Variants in ARL15 observed in about 807,000 individuals in gnomAD.
ARL15 encodes the protein ARF like GTPase 15.
In ARL15, 19 loss-of-function variants were observed where a neutral mutation model predicts 25.2. The observed-to-expected ratio is 0.75, with a 90% CI of 0.53 to 1.10. The LOEUF is 1.10. ARL15 is among the 50% of genes least tolerant of loss of function. The pLI is 0.00. For missense variants in ARL15, 220 were observed against 246.0 expected, an observed-to-expected ratio of 0.89 and a Z score of 0.71; for synonymous variants, 94 against 86.8, an observed-to-expected ratio of 1.08 and a Z score of -0.46.
At chr5:54,062,076 C>A (rs767959609) in intron 4 of ARL15, among the ~76,000 whole-genome samples, 1 of 152,166 alleles carries the variant, frequency 6.6e-6, no homozygotes, top group African/African-American at 2.4e-5. Flanking sequence ...CACTGGATTT[C>A]GGACTTACAA....
chr5:53,918,741 G>A (rs1204300880), intron 4 of ARL15, among the ~76,000 whole-genome samples: 3 of 151,754 alleles, frequency 2.0e-5, no homozygotes, highest in African/African-American at 7.3e-5. Context: ...ACCATTGACA[G>A]TTAGCAAATG....
At chr5:54,033,002 G>T (rs1343114824) in intron 4 of ARL15, among the ~76,000 whole-genome samples, 1 of 151,396 alleles carries the variant, frequency 6.6e-6, no homozygotes, top group African/African-American at 2.4e-5. Context: ...GCCTGTGGAA[G>T]TTGGAATCTA....
chr5:54,210,807 A>G (rs997746894), intron 1 of ARL15, among the ~76,000 whole-genome samples: 4 of 152,246 alleles, frequency 2.6e-5, no homozygotes, highest in African/African-American at 9.6e-5. Flanking sequence ...ACATAGTTCA[A>G]TCTCTTTTCC....
chr5:53,908,158 T>A (rs1404033870), intron 4 of ARL15, among the ~76,000 whole-genome samples: 3 of 152,240 alleles, frequency 2.0e-5, no homozygotes, highest in African/African-American at 7.2e-5. Context: ...AGTATGTTGT[T>A]ACAATTATTT....
intron 2 of ARL15, among the ~76,000 whole-genome samples, chr5:54,168,876 C>A (rs1055645396): frequency 6.6e-6 from 1 of 152,142 alleles, no homozygotes; most frequent in African/African-American, 2.4e-5. Flanking sequence ...AGCACAGAGC[C>A]TGGAGTATAT....
At chr5:54,154,936 C>T (rs1008940098) in intron 2 of ARL15, among the ~76,000 whole-genome samples, 1 of 152,084 alleles carries the variant, frequency 6.6e-6, no homozygotes, top group Admixed American at 6.5e-5. Context: ...TCCTGGGCAA[C>T]ATGGTGAAAC....
At chr5:54,004,904 T>C (rs1748973372) in intron 4 of ARL15, among the ~76,000 whole-genome samples, 1 of 152,224 alleles carries the variant, frequency 6.6e-6, no homozygotes, top group Admixed American at 6.5e-5. Flanking sequence ...CTAGTCAGCA[T>C]ATTATGTTTT....
intron 4 of ARL15, among the ~76,000 whole-genome samples, chr5:53,887,587 A>T (rs1744575427): frequency 6.6e-6 from 1 of 152,212 alleles, no homozygotes; most frequent in African/African-American, 2.4e-5. Context: ...GTATCATAAA[A>T]CACAAAGTTC....
At chr5:54,285,342 G>A in intron 1 of ARL15, 1 of 887,540 alleles carries the variant, frequency 1.1e-6, no homozygotes, top group African/African-American at 1.8e-5. Context: ...ATTACTTACA[G>A]TTTATTGTTG....
At chr5:53,905,516 AT>A (rs1745219704) in intron 4 of ARL15, among the ~76,000 whole-genome samples, 1 of 152,192 alleles carries the variant, frequency 6.6e-6, no homozygotes, top group Non-Finnish European at 1.5e-5. Flanking sequence ...CAGAAACAGA[AT>A]TCTATTATAA....
intron 4 of ARL15, among the ~76,000 whole-genome samples, chr5:53,924,180 C>G (rs943706144): frequency 7.9e-5 from 12 of 152,202 alleles, no homozygotes; most frequent in Admixed American, 2.0e-4. Context: ...CTGGGAGGAG[C>G]AGACTGAGAG....
At chr5:54,035,012 T>G (rs1408998239) in intron 4 of ARL15, among the ~76,000 whole-genome samples, 2 of 151,964 alleles carry the variant, frequency 1.3e-5, no homozygotes, top group Non-Finnish European at 2.9e-5. Flanking sequence ...AATATTAAAA[T>G]TCTAACAAGT....
At chr5:53,969,497 C>A (rs951223484) in intron 4 of ARL15, among the ~76,000 whole-genome samples, 3 of 152,142 alleles carry the variant, frequency 2.0e-5, no homozygotes, top group Admixed American at 2.0e-4. Flanking sequence ...GTGACTTCAG[C>A]ACATTTTGCC....
intron 1 of ARL15, among the ~76,000 whole-genome samples, chr5:54,178,049 G>T (rs1461548848): frequency 6.6e-6 from 1 of 152,146 alleles, no homozygotes; most frequent in Non-Finnish European, 1.5e-5. Context: ...CCTATTATAG[G>T]TTCAAAAAGC....
chr5:54,047,961 G>C (rs911593317), intron 4 of ARL15: 1 of 152,320 alleles, frequency 6.6e-6, no homozygotes, highest in Non-Finnish European at 1.5e-5. Flanking sequence ...CTTTAGGAAA[G>C]ATGATTTCAG....
At chr5:54,109,426 C>G (rs754071715) in intron 4 of ARL15, among the ~76,000 whole-genome samples, 1 of 151,830 alleles carries the variant, frequency 6.6e-6, no homozygotes, top group African/African-American at 2.4e-5. Context: ...GTTAACAAAA[C>G]GTGTTCTTTT....
rs1263173666 is a variant in ARL15 at position 53,978,646 on chromosome 5, A to G, written c.463-91933T>C. 2.6e-5 allele frequency among the ~76,000 whole-genome samples: 4 copies of G among 151,172 alleles called. 1 individual carries two copies. Among genetic ancestry groups the G allele is most frequent in the Admixed American group, 6.6e-5 (1 of 15,158 alleles). On this transcript the variant is annotated intron_variant, in intron 4 of 4. Coordinates refer to ENST00000504924, the MANE Select transcript of ARL15 (RefSeq NM_019087.3). ...ACAAAAAAAAAAAAAAGAAAAGAAA[A>G]GAAAGAAATAAAAGAAGCATCACAG...
intron 4 of ARL15, among the ~76,000 whole-genome samples, chr5:53,906,595 A>G (rs1745256221): frequency 6.6e-6 from 1 of 152,232 alleles, no homozygotes; most frequent in Non-Finnish European, 1.5e-5. Flanking sequence ...ACTTATTCAA[A>G]GCACTAAAAG....
intron 4 of ARL15, among the ~76,000 whole-genome samples, chr5:53,934,763 T>C (rs981574799): frequency 6.6e-6 from 1 of 152,158 alleles, no homozygotes; most frequent in Non-Finnish European, 1.5e-5. Context: ...TAATAGCAAA[T>C]AAAAATTAAG....
Sources: gnomAD v4.1 joint callset for allele counts (sites outside exome capture counted in the v4.1 genomes callset) on GRCh38, gnomAD v4.1.1 for gene constraint, MANE v1.5 for transcripts, NCBI Gene and HGNC (gene_info 2026-07-23, HGNC 2026-07-21) for gene names.